Variants in UVRAG observed in about 807,000 individuals in gnomAD.
UVRAG encodes the protein UV radiation resistance-associated gene protein.
UVRAG carries 19 observed loss-of-function variants against 78.0 expected under a neutral mutation model. The ratio of observed to expected loss-of-function variants is 0.24; its 90% confidence interval spans 0.17 to 0.36. The LOEUF is 0.36. UVRAG is among the 10% of genes least tolerant of loss of function. The probability of loss-of-function intolerance (pLI) is 1.00; values close to 1 mark genes in which losing one functional copy is unlikely to be tolerated. For missense variants in UVRAG, 740 were observed against 853.8 expected, an observed-to-expected ratio of 0.87 and a Z score of 1.66; for synonymous variants, 323 against 324.6, an observed-to-expected ratio of 1.00 and a Z score of 0.05.
At chr11:75,907,953 A>G (rs563078300) in intron 5 of UVRAG, among the ~76,000 whole-genome samples, 5 of 152,214 alleles carry the variant, frequency 3.3e-5, no homozygotes, top group African/African-American at 1.2e-4. Context: ...CATTCTAAGT[A>G]TACAGTTTAG....
At chr11:75,905,724 T>A (rs1343526121) in intron 5 of UVRAG, among the ~76,000 whole-genome samples, 1 of 152,188 alleles carries the variant, frequency 6.6e-6, no homozygotes, top group East Asian at 1.9e-4. Context: ...GACATTTGTG[T>A]TGTTTCTCTT....
At chr11:75,943,968 TAGAC>T in intron 6 of UVRAG, among the ~76,000 whole-genome samples, 1 of 152,258 alleles carries the variant, frequency 6.6e-6, no homozygotes, top group African/African-American at 2.4e-5. Context: ...CCATGTGCCT[TAGAC>T]TGCTGTAGGT....
At chr11:76,041,375 G>A (rs1055270051) in intron 12 of UVRAG, among the ~76,000 whole-genome samples, 3 of 152,230 alleles carry the variant, frequency 2.0e-5, no homozygotes, top group Non-Finnish European at 4.4e-5. Context: ...CAGCTGCTGC[G>A]TGGAACCCCA....
rs145120664 is a variant in UVRAG at position 75,973,721 on chromosome 11, C to T, written c.700-9666C>T. Among the ~76,000 whole-genome samples the T allele has an allele frequency of 5.7e-3, 864 of 152,282 alleles. 3 individuals are homozygous for T. The highest frequency in any genetic ancestry group is 7.3e-3 in the African/African-American group (302 of 41,550). Reference sequence around the variant, plus strand: ...ATCCCTCCTCCATCCCCCCAACCCACGACAGGCCCTGGTGTGTGGTGTTCC... The same window carrying T: ...ATCCCTCCTCCATCCCCCCAACCCATGACAGGCCCTGGTGTGTGGTGTTCC... On this transcript the variant is annotated intron_variant, in intron 7 of 14. Coordinates refer to ENST00000356136, the MANE Select transcript of UVRAG (RefSeq NM_003369.4).
At chr11:76,134,012 A>G (rs1283659617) in intron 14 of UVRAG, among the ~76,000 whole-genome samples, 1 of 134,686 alleles carries the variant, frequency 7.4e-6, no homozygotes, top group Non-Finnish European at 1.5e-5. Flanking sequence ...GGAGTGCAGT[A>G]CTGCAATCTC....
rs200407197 is a variant in UVRAG, at chr11:75,879,947, C to A, written c.339C>A (p.Phe113Leu). ...PDRLDTSVSCFVVKIWGGKEN... is the reference protein window; with the variant it reads ...PDRLDTSVSCLVVKIWGGKEN... ...GTCTTGATACATCTGTGTCTTGTTTCGTGGTGAAGATATGGGGTGGAAAGG... is the reference window on the plus strand; with the variant it reads ...GTCTTGATACATCTGTGTCTTGTTTAGTGGTGAAGATATGGGGTGGAAAGG... Residue 113 changes from phenylalanine to leucine, a missense_variant, in exon 4 of 15, where the codon TTC becomes TTA. Coordinates refer to ENST00000356136, the MANE Select transcript of UVRAG (RefSeq NM_003369.4). The A allele has an allele frequency of 6.2e-7, 1 of 1,614,126 alleles. No homozygotes were observed. The highest frequency in any genetic ancestry group is 1.1e-5 in the South Asian group (1 of 91,084).
At chr11:76,003,955 T>G (rs771369343) in intron 8 of UVRAG, 50 bp from the exon 9 acceptor site, 1 of 1,548,136 alleles carries the variant, frequency 6.5e-7, no homozygotes, top group South Asian at 1.1e-5. Context: ...TGGTTGTGAT[T>G]GAGTAATCCT....
intron 1 of UVRAG, among the ~76,000 whole-genome samples, chr11:75,847,289 G>A (rs937908360): frequency 6.6e-6 from 1 of 151,390 alleles, no homozygotes; most frequent in Non-Finnish European, 1.5e-5. Flanking sequence ...CACCACGCCT[G>A]GCTAACTTTT....
At chr11:75,963,515 T>C (rs776306646) in intron 7 of UVRAG, among the ~76,000 whole-genome samples, 16 of 152,240 alleles carry the variant, frequency 1.1e-4, no homozygotes, top group Non-Finnish European at 2.1e-4. Context: ...TTTTGCTCAT[T>C]TACTTTTCAA....
intron 8 of UVRAG, among the ~76,000 whole-genome samples, chr11:76,003,199 A>G (rs966077874): frequency 1.3e-5 from 2 of 152,018 alleles, no homozygotes; most frequent in Non-Finnish European, 2.9e-5. Flanking sequence ...TCATGTAAAA[A>G]TAGTTGAAAA....
intron 13 of UVRAG, among the ~76,000 whole-genome samples, chr11:76,113,762 C>A (rs1952125880): frequency 6.6e-6 from 1 of 151,816 alleles, no homozygotes. Flanking sequence ...TCTTCCTGGG[C>A]CTTAGTTTCT....
chr11:75,898,375 C>T (rs1327923191), intron 5 of UVRAG, among the ~76,000 whole-genome samples: 1 of 152,218 alleles, frequency 6.6e-6, no homozygotes, highest in African/African-American at 2.4e-5. Flanking sequence ...GCCCTTTTGA[C>T]ATACCTCTGT....
In UVRAG at chr11:75,828,721, A is replaced by ATG. The variant is rs201452485; in HGVS notation, c.117+13207_117+13208dup. On this transcript the variant is annotated intron_variant, in intron 1 of 14. Coordinates refer to ENST00000356136, the MANE Select transcript of UVRAG (RefSeq NM_003369.4). ...TGTATATATATATATGTGTATATAT[A>ATG]TGTGTGTGTGTATATATATATATAT... Among the ~76,000 whole-genome samples, 386 of 120,798 alleles carry ATG rather than the reference A, an allele frequency of 3.2e-3. 3 individuals carry two copies. Among genetic ancestry groups the ATG allele is most frequent in the Middle Eastern group, 8.0e-3 (2 of 250 alleles). The allele number at this position is 120,798 out of a possible 152,430, so 79.2% of individuals were successfully genotyped here.
intron 8 of UVRAG, among the ~76,000 whole-genome samples, chr11:75,984,093 A>G (rs1056557732): frequency 3.9e-5 from 6 of 152,336 alleles, no homozygotes; most frequent in African/African-American, 1.4e-4. Context: ...ACAATGTGCA[A>G]AAGTTATATA....
chr11:75,936,159 C>T (rs1033786049), intron 6 of UVRAG, among the ~76,000 whole-genome samples: 7 of 152,178 alleles, frequency 4.6e-5, no homozygotes, highest in Admixed American at 2.0e-4. Flanking sequence ...TCAGAGGGGA[C>T]ACATTTTGAT....
intron 3 of UVRAG, among the ~76,000 whole-genome samples, chr11:75,877,833 CCCGGACGGGGCGGCTGG>C (rs1946834995): frequency 6.9e-6 from 1 of 144,332 alleles, no homozygotes; most frequent in Non-Finnish European, 1.5e-5. Context: ...CCCCTCACCT[CCCGGACGGGGCGGCTGG>C]CCGGGCGGGG....
chr11:76,109,022 A>G (rs902202070), intron 13 of UVRAG, among the ~76,000 whole-genome samples: 5 of 152,216 alleles, frequency 3.3e-5, no homozygotes, highest in African/African-American at 1.2e-4. Flanking sequence ...AAGACTGCTT[A>G]GACTGTTTTG....
rs551676970 is a variant in UVRAG, at chr11:76,032,033, A to G, written c.1226+15053A>G. ...GTTTGAATTTTTTGGTAAGCAAAGA[A>G]TGGGAGAATGAGGGTAATTATATCA... On this transcript the variant is annotated intron_variant, in intron 12 of 14. Transcript: ENST00000356136. Among the ~76,000 whole-genome samples, 7 of 152,318 alleles carry G rather than the reference A, an allele frequency of 4.6e-5. No individual in the cohort carries two copies. The East Asian group carries it at 1.3e-3, about 29-fold the overall frequency.
chr11:75,954,764 T>G (rs1306244556), intron 6 of UVRAG, among the ~76,000 whole-genome samples: 2 of 152,312 alleles, frequency 1.3e-5, no homozygotes, highest in South Asian at 2.1e-4. Flanking sequence ...TCTGGTGAAA[T>G]AGGCAAAGAA....
Sources: allele counts gnomAD v4.1 joint callset (sites outside exome capture counted in the v4.1 genomes callset), GRCh38; gene constraint gnomAD v4.1.1; transcripts MANE v1.5; gene names NCBI Gene and HGNC (gene_info 2026-07-23, HGNC 2026-07-21).